The following PDCD6 variants were observed in gnomAD, a reference collection of about 807,000 sequenced individuals.
PDCD6 encodes programmed cell death 6, also known as programmed cell death protein 6.
In PDCD6, 12 loss-of-function variants were observed where a neutral mutation model predicts 28.3. The observed-to-expected ratio is 0.42, with a 90% CI of 0.27 to 0.69. The LOEUF (loss-of-function observed/expected upper bound fraction) is 0.69. PDCD6 is among the 30% of genes least tolerant of loss of function. The pLI, the probability that PDCD6 is intolerant of heterozygous loss-of-function variation, is 0.22. For synonymous variants in PDCD6, 92 were observed against 108.0 expected (o/e 0.85, Z 0.92); for missense variants, 226 against 269.9 (o/e 0.84, Z 1.14).
intron 2 of PDCD6, among the ~76,000 whole-genome samples, chr5:303,682 A>G (rs1398805080): frequency 1.3e-5 from 2 of 151,674 alleles, no homozygotes; most frequent in Non-Finnish European, 2.9e-5. Flanking sequence ...GGGGTCTGGT[A>G]CTTGCACCTT....
chr5:302,197 G>C (rs1740119922), intron 2 of PDCD6, among the ~76,000 whole-genome samples: 1 of 140,316 alleles, frequency 7.1e-6, no homozygotes, highest in Non-Finnish European at 1.5e-5. Context: ...GCTGCTGTGT[G>C]TGTGTGTGTG....
At position 271,699 on chromosome 5, in the gene PDCD6, G is replaced by T. The variant is rs1012765176; in HGVS notation, c.-22G>T. On this transcript the variant is annotated 5_prime_UTR_variant, in exon 1 of 6. Coordinates refer to ENST00000264933, the MANE Select transcript of PDCD6 (RefSeq NM_013232.4). ...GTCTCTCGTCGCTGCAGGCGCCTCA[G>T]CCCAGCCGCGTGCCTTGGCCCATGG... is the stretch of plus-strand genomic sequence containing the variant. 2 of 1,453,096 alleles carry T rather than the reference G, an allele frequency of 1.4e-6. No individual in the cohort carries two copies. Among genetic ancestry groups the T allele is most frequent in the Non-Finnish European group, 1.9e-6 (2 of 1,070,680 alleles). 90.0% of individuals were successfully genotyped at this position (1,453,096 alleles called of 1,614,324 possible).
At chr5:272,987 G>C (rs1211297028) in intron 2 of PDCD6, 1 of 816,406 alleles carries the variant, frequency 1.2e-6, no homozygotes, top group Non-Finnish European at 1.9e-6. Flanking sequence ...ACAACTGCGT[G>C]CGTGAGCACA....
Position 307,382 on chromosome 5 carries a change from CAG to C in PDCD6, c.367+624_367+625del, listed in dbSNP as rs1740591210. On this transcript the variant is annotated intron_variant, in intron 4 of 5. Transcript: ENST00000264933. This position sits in a 1 kb window ranked among gnomAD's most constrained non-coding sequence, Gnocchi z 6.1. ...GTGTGCACACGTGTGCCGTGCGCCT[CAG>C]AAGGGGCGTTAGGCAGAACGCGTGC... Among the ~76,000 whole-genome samples the C allele has an allele frequency of 6.7e-6, 1 of 150,284 alleles. No individual in the cohort carries two copies. The highest frequency in any genetic ancestry group is 2.0e-4 in the East Asian group (1 of 5,110).
chr5:306,303 C>T (rs1229037616), intron 3 of PDCD6: 11 of 323,744 alleles, frequency 3.4e-5, no homozygotes, highest in South Asian at 7.9e-5. Flanking sequence ...GTCGTGGCTG[C>T]GGCTGGATTT....
chr5:292,925 T>C (rs1240452793), intron 2 of PDCD6, among the ~76,000 whole-genome samples: 6 of 152,234 alleles, frequency 3.9e-5, no homozygotes. Context: ...GTTTACCTCC[T>C]GGCGTGGCCA....
At chr5:276,155 G>A in intron 2 of PDCD6, 1 of 919,968 alleles carries the variant, frequency 1.1e-6, no homozygotes, top group Non-Finnish European at 1.5e-6. Context: ...CTTGAGCCTG[G>A]GAGGTTGAGG....
intron 4 of PDCD6, chr5:311,052 C>T (rs980023583): frequency 3.9e-5 from 18 of 461,206 alleles, no homozygotes; most frequent in Non-Finnish European, 5.4e-5. Flanking sequence ...ACTCACTCCT[C>T]CTTCCGGGGT....
chr5:275,296 A>G (rs949703318), intron 2 of PDCD6, among the ~76,000 whole-genome samples: 22 of 152,294 alleles, frequency 1.4e-4, no homozygotes, highest in South Asian at 1.2e-3. Flanking sequence ...TGCTGGGGGC[A>G]TGTGGCCCCA....
At chr5:309,366 G>T in intron 4 of PDCD6, 1 of 155,198 alleles carries the variant, frequency 6.4e-6, no homozygotes, top group Non-Finnish European at 1.4e-5. Flanking sequence ...TCTTTTTGTA[G>T]TTCGTTTGTT....
At chr5:296,978 G>C (rs1246098058) in intron 2 of PDCD6, among the ~76,000 whole-genome samples, 1 of 152,162 alleles carries the variant, frequency 6.6e-6, no homozygotes, top group Non-Finnish European at 1.5e-5. Context: ...GACCCCCCAC[G>C]CACACCGTGC....
At chr5:297,626 C>T (rs1436451613) in intron 2 of PDCD6, among the ~76,000 whole-genome samples, 1 of 152,210 alleles carries the variant, frequency 6.6e-6, no homozygotes, top group African/African-American at 2.4e-5. Context: ...CTGGGGGCTT[C>T]CTTGCACCTG....
intron 2 of PDCD6, chr5:289,939 A>G: frequency 1.9e-6 from 3 of 1,541,766 alleles, no homozygotes; most frequent in Middle Eastern, 2.3e-4. Context: ...AACAACCATC[A>G]CATCCTTTTC....
chr5:314,531 A>G lies in PDCD6; in HGVS notation c.*16A>G. 6.4e-7 allele frequency: 1 copy of G among 1,572,532 alleles called. No individual in the cohort carries two copies. Among genetic ancestry groups the G allele is most frequent in the South Asian group, 1.1e-5 (1 of 90,252 alleles). ...TATCGTATGACCCTGGCCTCTCGTGAAGAGCAGCACAACATGGAAAGAGCC... is the reference window on the plus strand; with the variant it reads ...TATCGTATGACCCTGGCCTCTCGTGGAGAGCAGCACAACATGGAAAGAGCC... On this transcript the variant is annotated 3_prime_UTR_variant, in exon 6 of 6. Coordinates refer to ENST00000264933, the MANE Select transcript of PDCD6 (RefSeq NM_013232.4).
At chr5:284,779 C>T (rs1001671268) in intron 2 of PDCD6, among the ~76,000 whole-genome samples, 5 of 143,964 alleles carry the variant, frequency 3.5e-5, no homozygotes, top group African/African-American at 1.3e-4. Context: ...AGTTTGAGGG[C>T]CGGGGAGCTG....
At chr5:291,397 T>C (rs1260865677) in intron 2 of PDCD6, among the ~76,000 whole-genome samples, 1 of 151,960 alleles carries the variant, frequency 6.6e-6, no homozygotes, top group Admixed American at 6.5e-5. Flanking sequence ...CACACTGACA[T>C]GGTTCATTTT....
chr5:294,441 C>A (rs571095976), intron 2 of PDCD6, among the ~76,000 whole-genome samples: 1 of 152,156 alleles, frequency 6.6e-6, no homozygotes, highest in Non-Finnish European at 1.5e-5. Flanking sequence ...GCATATTGCC[C>A]GAGAAAGAGG....
chr5:298,708 T>G (rs1739781347), intron 2 of PDCD6, among the ~76,000 whole-genome samples: 1 of 75,520 alleles, frequency 1.3e-5, no homozygotes, highest in South Asian at 5.8e-4. Context: ...ACTCAGCTGC[T>G]CCCACCCAGC....
At chr5:296,711 C>G (rs1739635994) in intron 2 of PDCD6, among the ~76,000 whole-genome samples, 1 of 152,078 alleles carries the variant, frequency 6.6e-6, no homozygotes, top group Non-Finnish European at 1.5e-5. Flanking sequence ...GGAAGGTGGA[C>G]CAGAAAGGTG....
Sources: gnomAD v4.1 joint callset for allele counts (sites outside exome capture counted in the v4.1 genomes callset) on GRCh38, gnomAD v4.1.1 for gene constraint, Gnocchi (gnomAD v3.1) non-coding constraint, MANE v1.5 for transcripts, NCBI Gene and HGNC (gene_info 2026-07-23, HGNC 2026-07-21) for gene names.